The following SHC4 variants were observed in gnomAD, a reference collection of about 807,000 sequenced individuals.
The protein encoded by SHC4 is SHC adaptor protein 4.
A neutral mutation model predicts 69.4 loss-of-function variants in SHC4; 41 were observed. The observed-to-expected ratio is 0.59, with a 90% CI of 0.46 to 0.77. The LOEUF (loss-of-function observed/expected upper bound fraction) is 0.77. Among genes scored for constraint, SHC4 ranks in the 30% least tolerant of loss-of-function variants. The pLI is 0.00. For missense variants in SHC4, 777 were observed against 783.8 expected (o/e 0.99, Z 0.10); for synonymous variants, 318 against 299.3 (o/e 1.06, Z -0.64).
intron 7 of SHC4, among the ~76,000 whole-genome samples, chr15:48,856,481 T>C (rs1219135199): frequency 1.3e-5 from 2 of 152,188 alleles, no homozygotes; most frequent in African/African-American, 4.8e-5. Context: ...CAGCACACTT[T>C]GATTGTTCCA....
At chr15:48,902,555 G>A (rs1900336624) in intron 2 of SHC4, among the ~76,000 whole-genome samples, 1 of 152,084 alleles carries the variant, frequency 6.6e-6, no homozygotes, top group Non-Finnish European at 1.5e-5. Flanking sequence ...CAGTTGCTGG[G>A]ATGCTCACTT....
intron 1 of SHC4, among the ~76,000 whole-genome samples, chr15:48,935,318 C>T (rs1179426299): frequency 6.6e-6 from 1 of 152,148 alleles, no homozygotes; most frequent in African/African-American, 2.4e-5. Flanking sequence ...CTTTGTCACA[C>T]CCCTAGGTTG....
chr15:48,953,124 G>A (rs1260076807), intron 1 of SHC4, among the ~76,000 whole-genome samples: 1 of 152,218 alleles, frequency 6.6e-6, no homozygotes, highest in Non-Finnish European at 1.5e-5. Context: ...CAGGGACATG[G>A]ATGGAGCTGG....
intron 9 of SHC4, among the ~76,000 whole-genome samples, chr15:48,846,901 C>T (rs1354659710): frequency 6.6e-6 from 1 of 152,096 alleles, no homozygotes; most frequent in Admixed American, 6.6e-5. Flanking sequence ...ATCAATTTTA[C>T]CATCCCGTAG....
chr15:48,904,684 C>T (rs1257974276), intron 2 of SHC4, among the ~76,000 whole-genome samples: 2 of 152,084 alleles, frequency 1.3e-5, no homozygotes, highest in African/African-American at 4.8e-5. Flanking sequence ...TTGAGACCAG[C>T]CTGGGCAATA....
At chr15:48,884,638 C>T (rs1397797409) in intron 3 of SHC4, among the ~76,000 whole-genome samples, 2 of 152,156 alleles carry the variant, frequency 1.3e-5, no homozygotes, top group Non-Finnish European at 2.9e-5. Flanking sequence ...TGGGCTCCTG[C>T]TTTAATGTAA....
At chr15:48,846,015 T>A (rs1477587877) in intron 9 of SHC4, among the ~76,000 whole-genome samples, 1 of 152,116 alleles carries the variant, frequency 6.6e-6, no homozygotes, top group Non-Finnish European at 1.5e-5. Context: ...TTTTTTTTTT[T>A]TAAGTTGACA....
intron 4 of SHC4, among the ~76,000 whole-genome samples, chr15:48,873,992 G>T (rs1354573358): frequency 6.6e-6 from 1 of 152,104 alleles, no homozygotes; most frequent in Admixed American, 6.5e-5. Flanking sequence ...CAATAAAAAT[G>T]CTTCTAAAAT....
chr15:48,961,848 G>A (rs1408625796), intron 1 of SHC4, among the ~76,000 whole-genome samples: 1 of 152,220 alleles, frequency 6.6e-6, no homozygotes, highest in African/African-American at 2.4e-5. Context: ...ACTTGCTGCA[G>A]CGTAGGCAGT....
chr15:48,859,058 T>A (rs777490586), intron 6 of SHC4, among the ~76,000 whole-genome samples: 9 of 152,216 alleles, frequency 5.9e-5, no homozygotes, highest in Non-Finnish European at 1.3e-4. Context: ...CTGGTTTAAC[T>A]ATGCTAACTT....
At chr15:48,926,929 G>T (rs1289162422) in intron 1 of SHC4, among the ~76,000 whole-genome samples, 2 of 152,014 alleles carry the variant, frequency 1.3e-5, no homozygotes, top group African/African-American at 2.4e-5. Context: ...GGGATCTCTA[G>T]TACTGAAACA....
chr15:48,919,477 T>C (rs950455112), intron 2 of SHC4, among the ~76,000 whole-genome samples: 4 of 151,304 alleles, frequency 2.6e-5, no homozygotes, highest in African/African-American at 9.7e-5. Context: ...TTGGTAGAGA[T>C]GGGATTTCAC....
At chr15:48,953,508 C>CTT (rs1901398100) in intron 1 of SHC4, among the ~76,000 whole-genome samples, 1 of 152,124 alleles carries the variant, frequency 6.6e-6, no homozygotes, top group African/African-American at 2.4e-5. Flanking sequence ...TACTTATAAG[C>CTT]ATCAAGGCCA....
rs16961726 is a variant in SHC4 at position 48,851,915 on chromosome 15, G to A, written c.1243-667C>T. ...GGACTTCGAAAGAGGCAGTAGAAACGGGAAAGTTTGGATAGACTCAAAACA... is the reference window on the plus strand; with the variant it reads ...GGACTTCGAAAGAGGCAGTAGAAACAGGAAAGTTTGGATAGACTCAAAACA... On this transcript the variant is annotated intron_variant, in intron 8 of 11. Coordinates refer to ENST00000332408, the MANE Select transcript of SHC4 (RefSeq NM_203349.4). Among the ~76,000 whole-genome samples the A allele has an allele frequency of 8.8e-3, 1,344 of 152,244 alleles. 11 individuals carry two copies. The highest frequency in any genetic ancestry group is 0.031 in the African/African-American group (1,274 of 41,530).
intron 10 of SHC4, among the ~76,000 whole-genome samples, 182 bp from the exon 11 acceptor site, chr15:48,835,204 T>C (rs1898877732): frequency 6.6e-6 from 1 of 152,218 alleles, no homozygotes; most frequent in Admixed American, 6.5e-5. Flanking sequence ...TTTAATTTAA[T>C]GGTAGATCCA....
In SHC4 at chr15:48,963,161, G is replaced by A; in HGVS notation, c.-146C>T. ...CTCTGCTCTCGAGCTCGCCCACCTC[G>A]GCTCCCGGCCCCTTAAGGGTGACAG... On this transcript the variant is annotated 5_prime_UTR_variant, in exon 1 of 12. Transcript: ENST00000332408. The A allele has an allele frequency of 1.2e-6, 1 of 814,436 alleles. No homozygotes were observed. The highest frequency in any genetic ancestry group is 1.9e-6 in the Non-Finnish European group (1 of 531,442). The allele number at this position is 814,436 out of a possible 1,614,324, so 50.5% of individuals were successfully genotyped here. A position where few individuals can be genotyped will look rare whatever the true frequency, so the allele number is the denominator to read the frequency against.
chr15:48,962,331 C>A (rs1595771950), intron 1 of SHC4, 100 bp downstream of exon 1: 1 of 1,277,670 alleles, frequency 7.8e-7, no homozygotes, highest in East Asian at 2.5e-5. Flanking sequence ...CCTGTCCAAA[C>A]ACAGAACCCA....
At chr15:48,954,592 G>C (rs1013604212) in intron 1 of SHC4, among the ~76,000 whole-genome samples, 1 of 152,264 alleles carries the variant, frequency 6.6e-6, no homozygotes, top group Non-Finnish European at 1.5e-5. Context: ...CAGGGGACTA[G>C]CGGATAAACA....
intron 3 of SHC4, among the ~76,000 whole-genome samples, chr15:48,889,021 A>G (rs1190142153): frequency 6.6e-6 from 1 of 152,232 alleles, no homozygotes; most frequent in Non-Finnish European, 1.5e-5. Context: ...TACTCAATAC[A>G]TGCCAGCTGT....
Sources: gnomAD v4.1 joint callset for allele counts (sites outside exome capture counted in the v4.1 genomes callset) on GRCh38, gnomAD v4.1.1 for gene constraint, MANE v1.5 for transcripts, NCBI Gene and HGNC (gene_info 2026-07-23, HGNC 2026-07-21) for gene names.